Variants in ZNF618 observed in about 807,000 individuals in gnomAD.
ZNF618 encodes the protein zinc finger protein 618.
A neutral mutation model predicts 103.0 loss-of-function variants in ZNF618; 34 were observed. That is an observed-to-expected ratio of 0.33 (90% confidence interval 0.25 to 0.44). ZNF618 has a LOEUF of 0.44. Among genes scored for constraint, ZNF618 ranks in the 20% least tolerant of loss-of-function variants. The pLI, the probability that ZNF618 is intolerant of heterozygous loss-of-function variation, is 1.00. For synonymous variants in ZNF618, 551 were observed against 542.2 expected (o/e 1.02, Z -0.23); for missense variants, 1,059 against 1,295.4 (o/e 0.82, Z 2.80).
chr9:113,916,793 A>G (rs1414360319), intron 1 of ZNF618, among the ~76,000 whole-genome samples: 1 of 152,252 alleles, frequency 6.6e-6, no homozygotes, highest in African/African-American at 2.4e-5. Flanking sequence ...GTGCTCAATC[A>G]GAAAAACATT....
intron 1 of ZNF618, among the ~76,000 whole-genome samples, chr9:113,937,330 C>A (rs1424571794): frequency 6.6e-6 from 1 of 152,164 alleles, no homozygotes; most frequent in South Asian, 2.1e-4. Context: ...CATGATACTC[C>A]TTTACCCCTG....
intron 1 of ZNF618, among the ~76,000 whole-genome samples, chr9:113,962,166 C>T (rs1564223656): frequency 6.6e-6 from 1 of 152,204 alleles, no homozygotes; most frequent in African/African-American, 2.4e-5. Context: ...TTAGTATTCT[C>T]ATGTGTGGGA....
At chr9:113,918,870 A>G (rs1832370660) in intron 1 of ZNF618, among the ~76,000 whole-genome samples, 1 of 152,160 alleles carries the variant, frequency 6.6e-6, no homozygotes. Context: ...TCACTGTTGT[A>G]TTCTTAGTGC....
intron 10 of ZNF618, chr9:114,027,964 G>A (rs546291388): frequency 6.6e-6 from 1 of 152,346 alleles, no homozygotes; most frequent in South Asian, 2.1e-4. Flanking sequence ...AGGTTGAAGT[G>A]TGGAAGTGTG....
chr9:113,920,568 AT>A (rs1162104521), intron 1 of ZNF618, among the ~76,000 whole-genome samples: 3 of 151,820 alleles, frequency 2.0e-5, no homozygotes, highest in South Asian at 2.1e-4. Flanking sequence ...TGCCTGGCTA[AT>A]TTTTTTATTT....
At chr9:114,029,751 C>T (rs1460981900) in intron 11 of ZNF618, among the ~76,000 whole-genome samples, 2 of 152,218 alleles carry the variant, frequency 1.3e-5, no homozygotes, top group African/African-American at 4.8e-5. Flanking sequence ...CGTGAAACTC[C>T]TCCATGAGAT....
intron 12 of ZNF618, among the ~76,000 whole-genome samples, chr9:114,033,966 G>A (rs546486683): frequency 1.3e-5 from 2 of 152,182 alleles, no homozygotes; most frequent in African/African-American, 4.8e-5. Flanking sequence ...GCTCCACTTC[G>A]GGCTGTTACT....
chr9:113,966,883 CTT>C (rs958706087), intron 1 of ZNF618, among the ~76,000 whole-genome samples: 3 of 152,200 alleles, frequency 2.0e-5, no homozygotes, highest in Non-Finnish European at 4.4e-5. Context: ...AGCACTTTCT[CTT>C]TGTTTTATGA....
At chr9:113,934,476 A>G (rs111973461) in intron 1 of ZNF618, among the ~76,000 whole-genome samples, 7,159 of 152,266 alleles carry the variant, frequency 0.047, 171 homozygotes, top group African/African-American at 0.061. Flanking sequence ...GACAAAACAC[A>G]TGGAACGCGC....
chr9:113,895,266 G>A (rs994220678), intron 1 of ZNF618, among the ~76,000 whole-genome samples: 5 of 152,134 alleles, frequency 3.3e-5, no homozygotes, highest in Non-Finnish European at 7.4e-5. Context: ...TTAGTAATAA[G>A]AGGGGGTAAA....
chr9:113,913,490 G>C (rs1399096573), intron 1 of ZNF618, among the ~76,000 whole-genome samples: 1 of 152,248 alleles, frequency 6.6e-6, no homozygotes, highest in African/African-American at 2.4e-5. Flanking sequence ...CTGCAGGAGG[G>C]GGCGACAGCC....
At position 114,049,327 on chromosome 9, in the gene ZNF618, G is replaced by C; in HGVS notation, c.2025G>C (p.Thr675=). Residue 675 remains threonine, a synonymous_variant, in exon 15 of 15, where the codon ACG becomes ACC. Coordinates refer to ENST00000374126, the MANE Select transcript of ZNF618 (RefSeq NM_001318042.2). ...LNVCEDLAGS[T]GLAKETFGSL... is the part of the protein sequence containing the mutation. ...TGTGCGAGGACCTGGCGGGCTCCAC[G>C]GGCCTGGCCAAGGAGACCTTCGGGT... 1 of 1,611,454 alleles carries C rather than the reference G, an allele frequency of 6.2e-7. No homozygotes were observed. Among genetic ancestry groups the C allele is most frequent in the Non-Finnish European group, 8.5e-7 (1 of 1,179,502 alleles).
chr9:113,917,176 T>G (rs1301413013), intron 1 of ZNF618, among the ~76,000 whole-genome samples: 1 of 152,030 alleles, frequency 6.6e-6, no homozygotes, highest in Non-Finnish European at 1.5e-5. Context: ...TTTCTAGTTA[T>G]TTTCTGGGCT....
At chr9:113,948,037 A>G (rs1835208026) in intron 1 of ZNF618, among the ~76,000 whole-genome samples, 1 of 152,190 alleles carries the variant, frequency 6.6e-6, no homozygotes, top group African/African-American at 2.4e-5. Context: ...AGAGCTGGGT[A>G]GATTGCATGG....
chr9:114,008,721 G>C (rs1034840533), intron 9 of ZNF618, among the ~76,000 whole-genome samples, 167 bp downstream of exon 9: 2 of 152,122 alleles, frequency 1.3e-5, no homozygotes, highest in Admixed American at 1.3e-4. Flanking sequence ...TGGAGCTTTC[G>C]AGGAGCAGCA....
intron 1 of ZNF618, among the ~76,000 whole-genome samples, chr9:113,942,007 T>C (rs559489206): frequency 1.8e-4 from 27 of 152,290 alleles, no homozygotes; most frequent in Admixed American, 4.6e-4. Flanking sequence ...TCCTACCACA[T>C]AGTGCTGTTG....
chr9:113,882,164 C>CA lies in ZNF618; in HGVS notation c.33+5752dup, dbSNP rs1828586774. ...ACATGGCATCAGCAGGAAATCCCCC[C>CA]AGGCCAGGCCTTAGGTCAGATGCAT... On this transcript the variant is annotated intron_variant, in intron 1 of 14. Transcript: ENST00000374126. Among the ~76,000 whole-genome samples the CA allele has an allele frequency of 2.0e-5, 3 of 152,316 alleles. No individual in the cohort carries two copies. In the South Asian group the frequency reaches 6.2e-4, roughly 32 times the overall value.
At chr9:113,995,703 T>A (rs1417572135) in intron 3 of ZNF618, among the ~76,000 whole-genome samples, 1 of 152,172 alleles carries the variant, frequency 6.6e-6, no homozygotes, top group Non-Finnish European at 1.5e-5. Context: ...TATATCCTCC[T>A]CTAATTTTGT....
intron 1 of ZNF618, among the ~76,000 whole-genome samples, chr9:113,951,557 G>GTACATA (rs1564208110): frequency 5.2e-5 from 2 of 38,134 alleles, no homozygotes; most frequent in Non-Finnish European, 1.2e-4. Flanking sequence ...ACATATGTGT[G>GTACATA]TGTATATGTG....
Sources: gnomAD v4.1 joint callset for allele counts (sites outside exome capture counted in the v4.1 genomes callset) on GRCh38, gnomAD v4.1.1 for gene constraint, MANE v1.5 for transcripts, NCBI Gene and HGNC (gene_info 2026-07-23, HGNC 2026-07-21) for gene names.